GULP1: variants seen among roughly 807,000 people sequenced by gnomAD.
The protein encoded by GULP1 is PTB domain-containing engulfment adapter protein 1.
In GULP1, 19 loss-of-function variants were observed where a neutral mutation model predicts 40.9. That is an observed-to-expected ratio of 0.46 (90% CI 0.32 to 0.68). GULP1 has a LOEUF of 0.68. GULP1 is among the 30% of genes least tolerant of loss of function. The probability of loss-of-function intolerance (pLI) is 0.03; values close to 1 mark genes in which losing one functional copy is unlikely to be tolerated. For synonymous variants in GULP1, 119 were observed against 117.6 expected, an observed-to-expected ratio of 1.01 and a Z score of -0.08; for missense variants, 312 against 362.2, an observed-to-expected ratio of 0.86 and a Z score of 1.12.
intron 9 of GULP1, among the ~76,000 whole-genome samples, chr2:188,576,166 C>T (rs1268911693): frequency 1.3e-5 from 2 of 151,752 alleles, no homozygotes; most frequent in African/African-American, 4.8e-5. Flanking sequence ...ACTAGACAGC[C>T]AATTGGAGAT....
chr2:188,575,085 T>G (rs1161442351), intron 9 of GULP1, among the ~76,000 whole-genome samples: 3 of 152,190 alleles, frequency 2.0e-5, no homozygotes, highest in African/African-American at 7.2e-5. Flanking sequence ...GGTTGAAGCC[T>G]TGAATAAAAA....
At chr2:188,297,478 T>C (rs747495548) in intron 1 of GULP1, 6 of 478,354 alleles carry the variant, frequency 1.3e-5, no homozygotes, top group Non-Finnish European at 2.6e-5. Flanking sequence ...TTACAGTTGA[T>C]CCATTTCTTG....
At chr2:188,457,664 T>C (rs2152947976) in intron 2 of GULP1, among the ~76,000 whole-genome samples, 1 of 152,344 alleles carries the variant, frequency 6.6e-6, no homozygotes, top group East Asian at 1.9e-4. Flanking sequence ...TTTTTAAGGC[T>C]GGATCAGTTT....
chr2:188,459,702 C>G (rs2059549344), intron 2 of GULP1, among the ~76,000 whole-genome samples: 2 of 152,024 alleles, frequency 1.3e-5, no homozygotes, highest in Admixed American at 6.6e-5. Flanking sequence ...TGGGTTATTA[C>G]TAAAGAAATT....
rs539322204 is a variant in GULP1 at position 188,367,774 on chromosome 2, A to T, written c.-171-15989A>T. On this transcript the variant is annotated intron_variant, in intron 1 of 11. Coordinates refer to ENST00000409830, the MANE Select transcript of GULP1 (RefSeq NM_016315.4). The stretch of plus-strand genomic sequence containing the variant: ...GGGAGGAGGCTGCGACTCTGGACCC[A>T]GCCATCATCACTGTCCTGCAACCTG... 3.9e-5 allele frequency among the ~76,000 whole-genome samples: 6 copies of T among 152,294 alleles called. No homozygotes were observed. The South Asian group carries it at 8.3e-4, about 21-fold the overall frequency.
At chr2:188,305,631 A>C (rs6720002) in intron 1 of GULP1, among the ~76,000 whole-genome samples, 23,140 of 152,244 alleles carry the variant, frequency 0.15, 1,911 homozygotes, top group African/African-American at 0.17. Flanking sequence ...GAGCCAGGAA[A>C]TGTGGATGAA....
At chr2:188,328,622 A>G (rs1369727436) in intron 1 of GULP1, among the ~76,000 whole-genome samples, 3 of 152,128 alleles carry the variant, frequency 2.0e-5, no homozygotes, top group African/African-American at 4.8e-5. Context: ...CTTTAGTTGC[A>G]TCAGCTTTGG....
intron 4 of GULP1, among the ~76,000 whole-genome samples, chr2:188,512,828 A>T (rs2064731505): frequency 7.4e-6 from 1 of 135,002 alleles, no homozygotes; most frequent in South Asian, 2.6e-4. Flanking sequence ...TCACTTGTGG[A>T]AATTAGCTTA....
intron 2 of GULP1, among the ~76,000 whole-genome samples, chr2:188,412,092 A>G (rs1362087814): frequency 6.6e-6 from 1 of 152,138 alleles, no homozygotes; most frequent in African/African-American, 2.4e-5. Flanking sequence ...TTGTGCCTTC[A>G]GACCTGCTTA....
At chr2:188,445,669 C>G (rs929217257) in intron 2 of GULP1, among the ~76,000 whole-genome samples, 1 of 152,050 alleles carries the variant, frequency 6.6e-6, no homozygotes, top group African/African-American at 2.4e-5. Flanking sequence ...GAGTAGTGTC[C>G]ACAACTAGTT....
chr2:188,508,363 G>A (rs1210130578), intron 4 of GULP1, among the ~76,000 whole-genome samples: 1 of 151,916 alleles, frequency 6.6e-6, no homozygotes, highest in Non-Finnish European at 1.5e-5. Flanking sequence ...AATAAGATTG[G>A]CCTAATTGTA....
chr2:188,582,297 G>A, intron 9 of GULP1: 1 of 460,276 alleles, frequency 2.2e-6, no homozygotes, highest in South Asian at 1.6e-5. Context: ...TTTCCTCCAT[G>A]CCTGCCCTCT....
At chr2:188,586,455 C>T (rs77488113) in intron 10 of GULP1, among the ~76,000 whole-genome samples, 5,567 of 152,182 alleles carry the variant, frequency 0.037, 349 homozygotes, top group African/African-American at 0.13. Flanking sequence ...GGACATTTCT[C>T]CAGAGAAAAG....
chr2:188,437,242 C>A (rs1198620696), intron 2 of GULP1, among the ~76,000 whole-genome samples: 1 of 152,050 alleles, frequency 6.6e-6, no homozygotes, highest in African/African-American at 2.4e-5. Context: ...GTATTAAAAT[C>A]TAAATTTTTT....
At chr2:188,578,612 T>C (rs1700639025) in intron 9 of GULP1, among the ~76,000 whole-genome samples, 1 of 152,060 alleles carries the variant, frequency 6.6e-6, no homozygotes, top group Non-Finnish European at 1.5e-5. Context: ...ATTATTAATA[T>C]ATCTGAATAA....
intron 2 of GULP1, among the ~76,000 whole-genome samples, chr2:188,413,404 A>T (rs1420161059): frequency 6.6e-6 from 1 of 152,122 alleles, no homozygotes; most frequent in East Asian, 1.9e-4. Flanking sequence ...ATGGTATCTC[A>T]TTGTGGTTTT....
chr2:188,478,519 A>G (rs796746903), intron 3 of GULP1, among the ~76,000 whole-genome samples: 2 of 152,220 alleles, frequency 1.3e-5, no homozygotes, highest in South Asian at 4.1e-4. Context: ...AATCAAATTC[A>G]TAGGTGATTG....
intron 2 of GULP1, among the ~76,000 whole-genome samples, chr2:188,403,811 A>C (rs2052658430): frequency 6.6e-6 from 1 of 152,218 alleles, no homozygotes; most frequent in Non-Finnish European, 1.5e-5. Context: ...AAGTTGGGAC[A>C]CAGCAGAGGA....
intron 2 of GULP1, among the ~76,000 whole-genome samples, chr2:188,441,490 A>G (rs762282881): frequency 6.6e-6 from 1 of 152,120 alleles, no homozygotes; most frequent in South Asian, 2.1e-4. Context: ...CCACAGTGCT[A>G]GGACTCTTAT....
Sources: allele counts gnomAD v4.1 joint callset (sites outside exome capture counted in the v4.1 genomes callset), GRCh38; gene constraint gnomAD v4.1.1; transcripts MANE v1.5; gene names NCBI Gene and HGNC (gene_info 2026-07-23, HGNC 2026-07-21).